FAT3: variants seen among roughly 807,000 people sequenced by gnomAD.
FAT3 encodes protocadherin Fat 3.
In FAT3, 95 loss-of-function variants were observed where a neutral mutation model predicts 310.2. The ratio of observed to expected loss-of-function variants is 0.31; its 90% confidence interval spans 0.26 to 0.36. The LOEUF (loss-of-function observed/expected upper bound fraction) is 0.36. FAT3 is among the 10% of genes least tolerant of loss of function. The pLI is 1.00. For synonymous variants in FAT3, 2,314 were observed against 2,192.9 expected (o/e 1.06, Z -1.54); for missense variants, 5,408 against 5,715.6 (o/e 0.95, Z 1.74).
chr11:92,587,109 A>G (rs1169276520), intron 3 of FAT3, among the ~76,000 whole-genome samples: 1 of 152,156 alleles, frequency 6.6e-6, no homozygotes, highest in East Asian at 1.9e-4. Context: ...AAGGCCAAAT[A>G]CCATTACATT....
intron 3 of FAT3, among the ~76,000 whole-genome samples, chr11:92,637,102 T>A (rs1941792308): frequency 6.6e-6 from 1 of 151,912 alleles, no homozygotes; most frequent in Non-Finnish European, 1.5e-5. Context: ...GCTGGGAGAG[T>A]CAGTCAGGAT....
At chr11:92,531,999 G>GC (rs962055774) in intron 3 of FAT3, among the ~76,000 whole-genome samples, 60 of 152,072 alleles carry the variant, frequency 3.9e-4, no homozygotes, top group African/African-American at 1.4e-3. Flanking sequence ...GGGAGGAACT[G>GC]CCCCCATTGA....
At chr11:92,233,629 T>C (rs1291091472) in intron 1 of FAT3, among the ~76,000 whole-genome samples, 2 of 152,270 alleles carry the variant, frequency 1.3e-5, no homozygotes, top group East Asian at 3.9e-4. Flanking sequence ...AGTGACATCA[T>C]CTGCTTGGAA....
chr11:92,307,492 G>GAAT lies in FAT3; in HGVS notation c.-17-44602_-17-44600dup, dbSNP rs1011783196. ...TCATCCACAAGATCACTGTCCAGAG[G>GAAT]AATACCCTTTGGTTACTTGGAAGTG... On this transcript the variant is annotated intron_variant, in intron 1 of 27. Transcript: ENST00000525166. Among the ~76,000 whole-genome samples the GAAT allele has an allele frequency of 5.9e-5, 9 of 152,144 alleles. 1 individual carries two copies. Among genetic ancestry groups the GAAT allele is most frequent in the Admixed American group, 4.6e-4 (7 of 15,264 alleles).
At chr11:92,320,337 A>G (rs1947579943) in intron 1 of FAT3, among the ~76,000 whole-genome samples, 1 of 152,186 alleles carries the variant, frequency 6.6e-6, no homozygotes, top group African/African-American at 2.4e-5. Context: ...GATTTGCATA[A>G]CAGCAGAACA....
chr11:92,510,945 A>G (rs1442513125), intron 2 of FAT3, among the ~76,000 whole-genome samples: 1 of 152,218 alleles, frequency 6.6e-6, no homozygotes, highest in African/African-American at 2.4e-5. Context: ...GAGTAGAACA[A>G]AAGTGTCCAG....
rs116003657 is a variant in FAT3 at position 92,559,324 on chromosome 11, A to G, written c.3607+34376A>G. The G allele has an allele frequency of 6.2e-3, 1,202 of 194,746 alleles. 13 individuals carry two copies. The highest frequency in any genetic ancestry group is 0.027 in the African/African-American group (1,143 of 41,932). 12.1% of individuals were successfully genotyped at this position (194,746 alleles called of 1,614,324 possible). ...CTTATGCCCTGAGCCCCAAGCAACA[A>G]CTAACCTACTTTCTCTTTATATATA... On this transcript the variant is annotated intron_variant, in intron 3 of 27. Coordinates refer to ENST00000525166, the MANE Select transcript of FAT3 (RefSeq NM_001367949.2).
At chr11:92,642,537 A>G (rs1349806266) in intron 3 of FAT3, among the ~76,000 whole-genome samples, 1 of 152,230 alleles carries the variant, frequency 6.6e-6, no homozygotes, top group Non-Finnish European at 1.5e-5. Context: ...GAATTCACAG[A>G]CTATATTTAA....
At chr11:92,889,305 G>T in intron 26 of FAT3, 57 bp downstream of exon 26, 1 of 658,444 alleles carries the variant, frequency 1.5e-6, no homozygotes, top group South Asian at 1.7e-5. Flanking sequence ...TTGTTACTTT[G>T]GACTAGGAGT....
chr11:92,686,722 A>C (rs1487475502), intron 3 of FAT3, among the ~76,000 whole-genome samples: 1 of 152,192 alleles, frequency 6.6e-6, no homozygotes, highest in Non-Finnish European at 1.5e-5. Context: ...TCAAAACATC[A>C]CTCCTACCTA....
intron 3 of FAT3, among the ~76,000 whole-genome samples, chr11:92,660,477 T>G (rs1942743546): frequency 6.6e-6 from 1 of 152,106 alleles, no homozygotes; most frequent in African/African-American, 2.4e-5. Flanking sequence ...TTTTAAGGCT[T>G]AGAGCAGAGG....
chr11:92,600,580 G>A lies in FAT3; in HGVS notation c.3607+75632G>A, dbSNP rs184171230. 5.8e-4 allele frequency among the ~76,000 whole-genome samples: 89 copies of A among 152,262 alleles called. 1 individual carries two copies. The highest frequency in any genetic ancestry group is 3.2e-3 in the Admixed American group (49 of 15,280). On this transcript the variant is annotated intron_variant, in intron 3 of 27. Transcript: ENST00000525166. The stretch of plus-strand genomic sequence containing the variant: ...CATTAACTCATTTATTCATTCATTT[G>A]TTCATTTGTTAATTGAGTGTCTACT...
At chr11:92,349,886 A>G (rs1167200472) in intron 1 of FAT3, among the ~76,000 whole-genome samples, 1 of 152,086 alleles carries the variant, frequency 6.6e-6, no homozygotes, top group Non-Finnish European at 1.5e-5. Flanking sequence ...ACTTCAGCAA[A>G]TGATAGCAGC....
intron 8 of FAT3, among the ~76,000 whole-genome samples, chr11:92,791,706 T>A (rs1056185627): frequency 2.6e-5 from 4 of 152,220 alleles, no homozygotes; most frequent in Non-Finnish European, 4.4e-5. Context: ...ATTTTCTAAT[T>A]TCTTCACATC....
At chr11:92,283,313 G>C (rs143982215) in intron 1 of FAT3, among the ~76,000 whole-genome samples, 1 of 152,122 alleles carries the variant, frequency 6.6e-6, no homozygotes, top group Non-Finnish European at 1.5e-5. Context: ...TGACGTGTAG[G>C]TTGGAACATT....
chr11:92,543,755 C>T (rs750938460), intron 3 of FAT3, among the ~76,000 whole-genome samples: 1 of 152,156 alleles, frequency 6.6e-6, no homozygotes, highest in Non-Finnish European at 1.5e-5. Context: ...TGATATTGTT[C>T]TGCCTTGATT....
intron 3 of FAT3, among the ~76,000 whole-genome samples, chr11:92,576,786 A>T (rs1938505513): frequency 1.3e-5 from 2 of 152,256 alleles, no homozygotes; most frequent in Admixed American, 1.3e-4. Flanking sequence ...TTTCTTCTTT[A>T]CCTTAGATTT....
chr11:92,246,848 G>A (rs557996701), intron 1 of FAT3, among the ~76,000 whole-genome samples: 23 of 152,218 alleles, frequency 1.5e-4, no homozygotes, highest in African/African-American at 5.3e-4. Context: ...AGAGGTTACT[G>A]AGAGTTGCAG....
chr11:92,842,837 C>T (rs527457300), intron 18 of FAT3, among the ~76,000 whole-genome samples: 100 of 152,312 alleles, frequency 6.6e-4, no homozygotes, highest in Admixed American at 3.8e-3. Context: ...TGTGATTGTA[C>T]CACCACTGCA....
Sources: allele counts gnomAD v4.1 joint callset (sites outside exome capture counted in the v4.1 genomes callset), GRCh38; gene constraint gnomAD v4.1.1; transcripts MANE v1.5; gene names NCBI Gene and HGNC (gene_info 2026-07-23, HGNC 2026-07-21).